SNX13: variants seen among roughly 807,000 people sequenced by gnomAD.
SNX13 encodes sorting nexin 13.
SNX13 carries 45 observed loss-of-function variants against 133.6 expected under a neutral mutation model. The ratio of observed to expected loss-of-function variants is 0.34; its 90% CI spans 0.27 to 0.43. The LOEUF (loss-of-function observed/expected upper bound fraction) is 0.43. Ranked by LOEUF, SNX13 falls within the 20% of genes least tolerant of loss-of-function variation. The pLI is 1.00. For synonymous variants in SNX13, 414 were observed against 373.9 expected (o/e 1.11, Z -1.24); for missense variants, 1,032 against 1,145.1 (o/e 0.90, Z 1.43).
At chr7:17,842,564 AG>A (rs1340306730) in intron 12 of SNX13, among the ~76,000 whole-genome samples, 1 of 152,036 alleles carries the variant, frequency 6.6e-6, no homozygotes, top group East Asian at 1.9e-4. Context: ...TATAAAAGCT[AG>A]TATTATTAAC....
intron 21 of SNX13, 74 bp from the exon 22 acceptor site, chr7:17,801,733 C>G: frequency 9.2e-7 from 1 of 1,091,380 alleles, no homozygotes; most frequent in East Asian, 2.6e-5. Context: ...AATCATAAAC[C>G]TAAATGAGTA....
chr7:17,899,431 G>A (rs1454631507), intron 1 of SNX13: 1 of 151,856 alleles, frequency 6.6e-6, no homozygotes, highest in African/African-American at 2.4e-5. Context: ...TCCTCTTTAA[G>A]GACAATAACT....
chr7:17,830,616 C>T (rs1184660644), intron 15 of SNX13: 1 of 983,678 alleles, frequency 1.0e-6, no homozygotes, highest in Non-Finnish European at 1.2e-6. Flanking sequence ...ATATGCAATT[C>T]CATTTCATTA....
At chr7:17,885,837 AC>A (rs1795930312) in intron 5 of SNX13, among the ~76,000 whole-genome samples, 1 of 152,146 alleles carries the variant, frequency 6.6e-6, no homozygotes, top group African/African-American at 2.4e-5. Flanking sequence ...CAAAACAAAA[AC>A]AAAAAACATT....
chr7:17,844,948 T>G (rs1204796545), intron 12 of SNX13, among the ~76,000 whole-genome samples: 1 of 152,066 alleles, frequency 6.6e-6, no homozygotes, highest in South Asian at 2.1e-4. Context: ...TACTCAATGA[T>G]GAAAGACAAA....
At chr7:17,902,908 T>G (rs1797990955) in intron 1 of SNX13, among the ~76,000 whole-genome samples, 1 of 152,100 alleles carries the variant, frequency 6.6e-6, no homozygotes. Context: ...GTGAGGGCTC[T>G]AGGTTGAGTA....
chr7:17,852,824 C>T (rs571633424), intron 9 of SNX13, among the ~76,000 whole-genome samples: 2 of 152,282 alleles, frequency 1.3e-5, no homozygotes, highest in South Asian at 4.1e-4. Context: ...ACAATGCTCA[C>T]ATAAAGGACT....
Position 17,811,732 on chromosome 7 carries a change from C to T in SNX13, c.2064+3102G>A, listed in dbSNP as rs183236658. 3.9e-5 allele frequency among the ~76,000 whole-genome samples: 6 copies of T among 152,260 alleles called. 1 individual carries two copies. The highest frequency in any genetic ancestry group is 3.9e-4 in the Admixed American group (6 of 15,290). The stretch of plus-strand genomic sequence containing the variant: ...GATCAAAGCTGGAGGCATCATGCTA[C>T]CTGACTTCAAACTATACTACAAAGC... On this transcript the variant is annotated intron_variant, in intron 20 of 25. Coordinates refer to ENST00000428135, the MANE Select transcript of SNX13 (RefSeq NM_015132.5).
rs1454130203 is a variant in SNX13, at chr7:17,878,352, C to CA, written c.441-2563dup. 3.3e-5 allele frequency among the ~76,000 whole-genome samples: 5 copies of CA among 151,798 alleles called. No homozygotes were observed. In the East Asian group the frequency reaches 9.6e-4, roughly 29 times the overall value. ...TAAAAGAACACAATCCCTATATGGC[C>CA]AAAAAAAGTGATACAATTAACCCTA... On this transcript the variant is annotated intron_variant, in intron 5 of 25. Coordinates refer to ENST00000428135, the MANE Select transcript of SNX13 (RefSeq NM_015132.5).
At chr7:17,840,068 T>C in intron 12 of SNX13, 68 bp from the exon 13 acceptor site, 1 of 1,351,908 alleles carries the variant, frequency 7.4e-7, no homozygotes, top group Non-Finnish European at 1.0e-6. Context: ...TGTAGTTTTA[T>C]GACAAGTAAA....
At chr7:17,824,070 A>G (rs1787601240) in intron 17 of SNX13, among the ~76,000 whole-genome samples, 2 of 152,108 alleles carry the variant, frequency 1.3e-5, no homozygotes, top group African/African-American at 4.8e-5. Context: ...GGGGTTACAT[A>G]TATTGGTTTT....
chr7:17,897,037 G>A (rs1385795453), intron 2 of SNX13, among the ~76,000 whole-genome samples: 1 of 151,886 alleles, frequency 6.6e-6, no homozygotes. Context: ...CTTTAAAGGA[G>A]AAACACCACC....
At chr7:17,819,518 C>T (rs369609433) in intron 18 of SNX13, among the ~76,000 whole-genome samples, 3 of 152,088 alleles carry the variant, frequency 2.0e-5, no homozygotes, top group South Asian at 2.1e-4. Context: ...TGAGGCACCG[C>T]GCTTGGCATT....
intron 1 of SNX13, among the ~76,000 whole-genome samples, chr7:17,920,603 T>C (rs1356306036): frequency 6.6e-6 from 1 of 152,088 alleles, no homozygotes; most frequent in Non-Finnish European, 1.5e-5. Context: ...ATAAAATGAG[T>C]TGCAGTTAAC....
At chr7:17,894,049 T>C (rs1796936624) in intron 2 of SNX13, among the ~76,000 whole-genome samples, 1 of 149,436 alleles carries the variant, frequency 6.7e-6, no homozygotes, top group Admixed American at 6.7e-5. Context: ...ACACCTGTAA[T>C]CCCAGCACCT....
At chr7:17,893,541 C>A in intron 2 of SNX13, 107 bp from the exon 3 acceptor site, 1 of 686,234 alleles carries the variant, frequency 1.5e-6, no homozygotes, top group South Asian at 2.2e-5. Context: ...TTATCATTTA[C>A]TAAAAAGTCA....
intron 1 of SNX13, among the ~76,000 whole-genome samples, chr7:17,909,924 G>A (rs777703453): frequency 7.9e-5 from 12 of 152,120 alleles, no homozygotes; most frequent in Non-Finnish European, 1.3e-4. Context: ...AGCCATTTAC[G>A]TTTTCTACAA....
chr7:17,801,448 G>C, intron 22 of SNX13, 140 bp downstream of exon 22: 1 of 646,232 alleles, frequency 1.5e-6, no homozygotes, highest in Non-Finnish European at 2.6e-6. Flanking sequence ...ACATGGGCAT[G>C]TTCAGTTTGT....
At chr7:17,922,394 G>A (rs1337456858) in intron 1 of SNX13, among the ~76,000 whole-genome samples, 2 of 152,170 alleles carry the variant, frequency 1.3e-5, no homozygotes, top group African/African-American at 4.8e-5. Context: ...ACCACATACT[G>A]TAAGTCTCCT....
Sources: gnomAD v4.1 joint callset for allele counts (sites outside exome capture counted in the v4.1 genomes callset) on GRCh38, gnomAD v4.1.1 for gene constraint, MANE v1.5 for transcripts, NCBI Gene and HGNC (gene_info 2026-07-23, HGNC 2026-07-21) for gene names.